The following MUC4 variants were observed in gnomAD, a reference collection of about 807,000 sequenced individuals.
MUC4 encodes the protein mucin-4.
Under a neutral mutation model 257.9 loss-of-function variants are expected in MUC4, and 202 were observed. The ratio of observed to expected loss-of-function variants is 0.78; its 90% CI spans 0.70 to 0.88. The LOEUF (loss-of-function observed/expected upper bound fraction) is 0.88, where lower values mean the gene tolerates loss of function less well. Ranked by LOEUF, MUC4 falls within the 40% of genes least tolerant of loss-of-function variation. The pLI is 0.00. For missense variants in MUC4, 5,976 were observed against 6,513.7 expected (o/e 0.92, Z 2.84); for synonymous variants, 2,351 against 2,757.1 (o/e 0.85, Z 4.62).
At chr3:195,807,447 G>C (rs1736126514) in intron 1 of MUC4, among the ~76,000 whole-genome samples, 1 of 151,984 alleles carries the variant, frequency 6.6e-6, no homozygotes, top group African/African-American at 2.4e-5. Flanking sequence ...CAGCCTGGGG[G>C]ACAGAGAGAA....
chr3:195,787,158 A>G lies in MUC4; in HGVS notation c.4422T>C (p.Leu1474=). 1.9e-6 allele frequency: 2 copies of G among 1,048,054 alleles called. No individual in the cohort carries two copies. Among genetic ancestry groups the G allele is most frequent in the African/African-American group, 3.5e-5 (1 of 28,368 alleles). The allele number at this position is 1,048,054 out of a possible 1,614,324, so 64.9% of individuals were successfully genotyped here. ...TGGATACTGAGGAAGTGTCGGTGAC[A>G]AGAAGAGAGGTGGCCTGACCTGTGG... ...SASTGQATSL[L]VTDTSSVSTG... The change falls in exon 2 of 25, where the codon CTT becomes CTC. Residue 1474 remains leucine, a synonymous_variant. Transcript: ENST00000463781.
At chr3:195,761,606 T>G (rs774885228) in intron 14 of MUC4, 21 bp from the exon 15 acceptor site, 1 of 1,588,360 alleles carries the variant, frequency 6.3e-7, no homozygotes, top group East Asian at 2.2e-5. Context: ...GAGTGGGAGG[T>G]TGGCCACCCT....
intron 18 of MUC4, 121 bp from the exon 19 acceptor site, chr3:195,754,493 C>A (rs1675231915): frequency 1.8e-5 from 23 of 1,265,474 alleles, no homozygotes; most frequent in Non-Finnish European, 2.1e-5. Context: ...CTCAGCCCCA[C>A]CAGCACCTGC....
chr3:195,795,425 T>G (rs1226784932), intron 1 of MUC4, among the ~76,000 whole-genome samples: 1 of 152,130 alleles, frequency 6.6e-6, no homozygotes, highest in African/African-American at 2.4e-5. Flanking sequence ...GAAGAAGAGA[T>G]AAGCCTCTAA....
Position 195,782,547 on chromosome 3 carries a change from G to T in MUC4, c.9033C>A (p.Val3011=), listed in dbSNP as rs749726385. 4 of 1,473,312 alleles carry T rather than the reference G, an allele frequency of 2.7e-6. 1 individual carries two copies. The highest frequency in any genetic ancestry group is 3.6e-6 in the Non-Finnish European group (4 of 1,098,672). The allele number at this position is 1,473,312 out of a possible 1,614,324, so 91.3% of individuals were successfully genotyped here. A position where few individuals can be genotyped will look rare whatever the true frequency, so the allele number is the denominator to read the frequency against. ...ASIGHATSLP[V]TDTSSISTGH... is the part of the protein sequence containing the mutation. The stretch of plus-strand genomic sequence containing the variant: ...CTGTGGATATTGAGGAAGTGTCGGT[G>T]ACAGGAAGAGAGGTGGCGTGACCTA... The change falls in exon 2 of 25, where the codon GTC becomes GTA. Residue 3011 remains valine, a synonymous_variant. Coordinates refer to ENST00000463781, the MANE Select transcript of MUC4 (RefSeq NM_018406.7).
At chr3:195,806,464 AATT>A (rs1736000288) in intron 1 of MUC4, among the ~76,000 whole-genome samples, 1 of 152,230 alleles carries the variant, frequency 6.6e-6, no homozygotes, top group African/African-American at 2.4e-5. Flanking sequence ...ACATTTCCGT[AATT>A]ATTTGATGTC....
In MUC4 at chr3:195,780,397, G is replaced by T. The variant is rs781173983; in HGVS notation, c.11183C>A (p.Pro3728His). ...TGAGGAAGGGCTGGTGACATGAAGA[G>T]GGGTGACGTGACCTGTAGATACTGA... ...TSSVSTGHVT[P>H]LHVTSPSSAS... Residue 3728 changes from proline to histidine, a missense_variant, in exon 2 of 25, where the codon CCT becomes CAT. Transcript: ENST00000463781. 2.0e-6 allele frequency: 3 copies of T among 1,528,562 alleles called. No individual in the cohort carries two copies. Among genetic ancestry groups the T allele is most frequent in the South Asian group, 2.4e-5 (2 of 81,944 alleles). The allele number at this position is 1,528,562 out of a possible 1,614,324, so 94.7% of individuals were successfully genotyped here. A position where few individuals can be genotyped will look rare whatever the true frequency, so the allele number is the denominator to read the frequency against.
chr3:195,790,091 G>A lies in MUC4; in HGVS notation c.1489C>T (p.His497Tyr). Reference sequence around the variant, plus strand: ...AGTTCTGTTTGTGACCAAGTTGTGTGGCCTTTGCTGGAGAATGAGGAAGGC... The same window carrying A: ...AGTTCTGTTTGTGACCAAGTTGTGTAGCCTTTGCTGGAGAATGAGGAAGGC... ...TWPSSFSSKG[H>Y]TTWSQTELPS... Residue 497 changes from histidine (H) to tyrosine (Y), a missense_variant, in exon 2 of 25, where the codon CAC becomes TAC. This residue lies in a region of MUC4 where 1,583 missense variants were observed against 1,257.4 expected (regional missense o/e 1.26). Coordinates refer to ENST00000463781, the MANE Select transcript of MUC4 (RefSeq NM_018406.7). 6.2e-7 allele frequency: 1 copy of A among 1,614,036 alleles called. No individual in the cohort carries two copies. Among genetic ancestry groups the A allele is most frequent in the Non-Finnish European group, 8.5e-7 (1 of 1,179,900 alleles).
chr3:195,773,965 A>G (rs1723764683), intron 4 of MUC4, among the ~76,000 whole-genome samples: 1 of 152,224 alleles, frequency 6.6e-6, no homozygotes, highest in Non-Finnish European at 1.5e-5. Context: ...GCCCCGCAGA[A>G]GCAGCGGTGG....
chr3:195,767,778 TCACCACCATCATTGC>T (rs1721574497), intron 7 of MUC4, among the ~76,000 whole-genome samples: 1 of 52,658 alleles, frequency 1.9e-5, no homozygotes, highest in Non-Finnish European at 3.8e-5. Flanking sequence ...ACCACCACCA[TCACCACCATCATTGC>T]CACCACCATC....
chr3:195,773,361 G>A (rs1723571866), intron 4 of MUC4, among the ~76,000 whole-genome samples: 2 of 149,626 alleles, frequency 1.3e-5, no homozygotes, highest in Non-Finnish European at 3.0e-5. Flanking sequence ...CAGGGGTGTA[G>A]ACACCCTCTC....
chr3:195,775,618 A>ACCCATACCTTCCAC (rs1724355577), intron 3 of MUC4, among the ~76,000 whole-genome samples: 1 of 68,142 alleles, frequency 1.5e-5, no homozygotes, highest in Non-Finnish European at 2.9e-5. Context: ...TACCTTCCAC[A>ACCCATACCTTCCAC]GTCATACCTT....
Position 195,769,014 on chromosome 3 carries a change from C to T in MUC4, c.13529+8G>A, listed in dbSNP as rs1722225432. 7 of 1,609,810 alleles carry T rather than the reference C, an allele frequency of 4.3e-6. No individual in the cohort carries two copies. The highest frequency in any genetic ancestry group is 2.2e-5 in the South Asian group (2 of 90,960). On this transcript the variant is annotated splice_region_variant and intron_variant, in intron 7 of 24. Coordinates refer to ENST00000463781, the MANE Select transcript of MUC4 (RefSeq NM_018406.7). ...ACTGCTCAGTGCTGACAGCCCCTCC[C>T]ATCCTACCTAGAGAAGCCCATGAGC...
At chr3:195,756,525 CCTTT>C (rs1190549019) in intron 18 of MUC4, among the ~76,000 whole-genome samples, 12 of 151,624 alleles carry the variant, frequency 7.9e-5, no homozygotes, top group African/African-American at 2.7e-4. Flanking sequence ...TTCCTTCCTT[CCTTT>C]TTCTTTCTTT....
At chr3:195,767,555 T>TCACCAC (rs1721086711) in intron 7 of MUC4, among the ~76,000 whole-genome samples, 1 of 53,078 alleles carries the variant, frequency 1.9e-5, no homozygotes, top group African/African-American at 1.5e-4. Flanking sequence ...ACCATCACCA[T>TCACCAC]TACCATTGCC....
At chr3:195,756,362 C>A (rs889156666) in intron 18 of MUC4, among the ~76,000 whole-genome samples, 3 of 152,244 alleles carry the variant, frequency 2.0e-5, no homozygotes, top group Non-Finnish European at 4.4e-5. Flanking sequence ...CCACCCCACA[C>A]CGCAGGGCCC....
chr3:195,748,933 A>C lies in MUC4; in HGVS notation c.16003T>G (p.Cys5335Gly), dbSNP rs1420650871. The C allele has an allele frequency of 6.3e-7, 1 of 1,596,618 alleles. No individual in the cohort carries two copies. The highest frequency in any genetic ancestry group is 8.5e-7 in the Non-Finnish European group (1 of 1,171,704). ...CGGGGCCCACTGGGCAGGTGCTGGC[A>C]CTGGCCTCCATGGTCACAGTAGCCC... Reference protein sequence around the residue: ...SRGYCDHGGQCQHLPSGPRCS... With the variant: ...SRGYCDHGGQGQHLPSGPRCS... Residue 5335 changes from cysteine (C) to glycine (G), a missense_variant, in exon 24 of 25, where the codon TGC becomes GGC. Coordinates refer to ENST00000463781, the MANE Select transcript of MUC4 (RefSeq NM_018406.7).
intron 7 of MUC4, among the ~76,000 whole-genome samples, chr3:195,767,907 T>TCACCCCCAACAC (rs1721863764): frequency 1.6e-5 from 1 of 63,258 alleles, no homozygotes. Flanking sequence ...ATCACCACCA[T>TCACCCCCAACAC]CACCATCGCC....
chr3:195,791,609 A>G, intron 1 of MUC4, 112 bp from the exon 2 acceptor site: 1 of 718,982 alleles, frequency 1.4e-6, no homozygotes, highest in Non-Finnish European at 2.4e-6. Flanking sequence ...AAGGATGTGA[A>G]AACTACCATT....
Sources: allele counts gnomAD v4.1 joint callset (sites outside exome capture counted in the v4.1 genomes callset), GRCh38; gene constraint gnomAD v4.1.1; regional missense constraint gnomAD v4.1.1; transcripts MANE v1.5; gene names NCBI Gene and HGNC (gene_info 2026-07-23, HGNC 2026-07-21).